The following CDH7 variants were observed in gnomAD, a reference collection of about 807,000 sequenced individuals.
The protein encoded by CDH7 is cadherin 7.
In CDH7, 25 loss-of-function variants were observed where a neutral mutation model predicts 71.8. The ratio of observed to expected loss-of-function variants is 0.35; its 90% confidence interval spans 0.25 to 0.49. The LOEUF (loss-of-function observed/expected upper bound fraction) is 0.49. Among genes scored for constraint, CDH7 ranks in the 20% least tolerant of loss-of-function variants. The pLI is 0.99. For synonymous variants in CDH7, 381 were observed against 363.8 expected (o/e 1.05, Z -0.54); for missense variants, 862 against 974.6 (o/e 0.88, Z 1.54).
rs1238568484 is a variant in CDH7 at position 65,880,872 on chromosome 18, G to A, written c.2336G>A (p.Gly779Asp). 3.7e-6 allele frequency: 6 copies of A among 1,611,748 alleles called. No individual in the cohort carries two copies. Among genetic ancestry groups the A allele is most frequent in the Non-Finnish European group, 5.1e-6 (6 of 1,178,908 alleles). The change falls in exon 12 of 12, where the codon GGC becomes GAC. Residue 779 changes from glycine (G) to aspartate (D), a missense_variant. Physicochemically the swap from Gly to Asp is moderately conservative, Grantham distance 94. Transcript: ENST00000397968. ...CGACTCGCGGACATGTATGGGACTG[G>A]CCAAGAGAGTTTGTACTCATAGCCT... is the stretch of plus-strand genomic sequence containing the variant. ...FKRLADMYGT[G>D]QESLYS
At chr18:65,772,186 C>A (rs1336515087) in intron 2 of CDH7, among the ~76,000 whole-genome samples, 1 of 152,050 alleles carries the variant, frequency 6.6e-6, no homozygotes, top group African/African-American at 2.4e-5. Flanking sequence ...TGATGATCAC[C>A]AGTGAAATTA....
At chr18:65,873,083 T>TA (rs1430169888) in intron 11 of CDH7, among the ~76,000 whole-genome samples, 1 of 152,114 alleles carries the variant, frequency 6.6e-6, no homozygotes, top group African/African-American at 2.4e-5. Flanking sequence ...GGTGAAGAAT[T>TA]AAAAAATAGG....
intron 11 of CDH7, among the ~76,000 whole-genome samples, chr18:65,880,128 T>C (rs1019191384): frequency 6.6e-6 from 1 of 152,186 alleles, no homozygotes; most frequent in Admixed American, 6.5e-5. Flanking sequence ...ATTTCTTCTA[T>C]CAAATACATT....
intron 11 of CDH7, among the ~76,000 whole-genome samples, chr18:65,867,199 C>T (rs1344015369): frequency 6.6e-6 from 1 of 152,004 alleles, no homozygotes; most frequent in South Asian, 2.1e-4. Context: ...CCACGCCCGG[C>T]TAATTGTTTG....
intron 2 of CDH7, among the ~76,000 whole-genome samples, chr18:65,789,031 A>G (rs887363183): frequency 2.0e-5 from 3 of 152,232 alleles, no homozygotes; most frequent in Admixed American, 6.5e-5. Flanking sequence ...TAGTTTATGT[A>G]GTTTGTACAC....
intron 11 of CDH7, among the ~76,000 whole-genome samples, chr18:65,871,291 A>G (rs972972509): frequency 6.6e-6 from 1 of 152,198 alleles, no homozygotes; most frequent in Admixed American, 6.5e-5. Flanking sequence ...CCCTTTACAA[A>G]TAGACACTCA....
At chr18:65,821,878 C>T (rs757023475) in intron 4 of CDH7, among the ~76,000 whole-genome samples, 7 of 152,038 alleles carry the variant, frequency 4.6e-5, no homozygotes, top group Non-Finnish European at 8.8e-5. Flanking sequence ...GAGAAAACCA[C>T]GTTAATAATG....
At chr18:65,822,873 GA>G (rs912971600) in intron 5 of CDH7, among the ~76,000 whole-genome samples, 17 of 147,418 alleles carry the variant, frequency 1.2e-4, no homozygotes, top group South Asian at 1.1e-3. Flanking sequence ...CAAGAAAAAA[GA>G]AAAAAAAAAT....
chr18:65,814,637 C>T lies in CDH7; in HGVS notation c.625+33C>T, dbSNP rs146102762. 977 of 1,579,564 alleles carry T rather than the reference C, an allele frequency of 6.2e-4. 7 individuals are homozygous for T. In the African/African-American group the frequency reaches 0.012, roughly 19 times the overall value. On this transcript the variant is annotated intron_variant, in intron 4 of 11. Coordinates refer to ENST00000397968, the MANE Select transcript of CDH7 (RefSeq NM_004361.5). ...TTGAAATGTGACATTCTTGTAAAGT[C>T]ATCATTTGTTTGCTGCTTAGAATTA... is the stretch of plus-strand genomic sequence containing the variant.
Position 65,818,916 on chromosome 18 carries a change from A to G in CDH7, c.626-3165A>G, listed in dbSNP as rs188699445. 7.9e-5 allele frequency among the ~76,000 whole-genome samples: 12 copies of G among 152,278 alleles called. No homozygotes were observed. The South Asian group carries it at 1.9e-3, about 24-fold the overall frequency. ...TGGCTGCTCCATTTTGGTGATGGCC[A>G]TACCAAATGGCTTTAGTTCATTCAT... On this transcript the variant is annotated intron_variant, in intron 4 of 11. Transcript: ENST00000397968.
chr18:65,827,625 A>G (rs1437500529), intron 6 of CDH7, among the ~76,000 whole-genome samples: 1 of 151,954 alleles, frequency 6.6e-6, no homozygotes. Flanking sequence ...TATTACTCTT[A>G]AAGGGGATTG....
chr18:65,810,983 T>C (rs986832855), intron 3 of CDH7, among the ~76,000 whole-genome samples: 1 of 152,194 alleles, frequency 6.6e-6, no homozygotes, highest in African/African-American at 2.4e-5. Flanking sequence ...ATTTCATTTA[T>C]TCAAGTACTT....
At chr18:65,855,775 A>G (rs1177646887) in intron 7 of CDH7, among the ~76,000 whole-genome samples, 1 of 152,164 alleles carries the variant, frequency 6.6e-6, no homozygotes, top group African/African-American at 2.4e-5. Flanking sequence ...TACCAAAACC[A>G]GGTAGACACA....
intron 6 of CDH7, among the ~76,000 whole-genome samples, chr18:65,830,383 C>G (rs1002305842): frequency 6.6e-6 from 1 of 152,172 alleles, no homozygotes; most frequent in South Asian, 2.1e-4. Flanking sequence ...CTCTTGAACA[C>G]TTATTCATGG....
intron 2 of CDH7, among the ~76,000 whole-genome samples, chr18:65,798,051 G>T (rs928949376): frequency 9.2e-5 from 14 of 152,112 alleles, no homozygotes; most frequent in African/African-American, 2.9e-4. Flanking sequence ...CTCAACCCTT[G>T]GCATAGAGAA....
chr18:65,882,591 C>T lies in CDH7; in HGVS notation c.*1697C>T, dbSNP rs1050478627. The stretch of plus-strand genomic sequence containing the variant: ...AAATGAAGTATGTAAAAGTGGCCTT[C>T]AACTTCATAAGTATAAATAATCCAA... On this transcript the variant is annotated 3_prime_UTR_variant, in exon 12 of 12. Coordinates refer to ENST00000397968, the MANE Select transcript of CDH7 (RefSeq NM_004361.5). The T allele has an allele frequency of 2.0e-5, 3 of 152,064 alleles. No homozygotes were observed. Among genetic ancestry groups the T allele is most frequent in the Admixed American group, 1.3e-4 (2 of 15,264 alleles). The allele number at this position is 152,064 out of a possible 1,614,324, so 9.4% of individuals were successfully genotyped here. A position where few individuals can be genotyped will look rare whatever the true frequency, so the allele number is the denominator to read the frequency against.
At chr18:65,848,819 A>G (rs1038410919) in intron 7 of CDH7, among the ~76,000 whole-genome samples, 2 of 128,132 alleles carry the variant, frequency 1.6e-5, no homozygotes, top group African/African-American at 2.6e-5. Context: ...ATGTTAAAGG[A>G]TACTTGGATA....
intron 1 of CDH7, among the ~76,000 whole-genome samples, chr18:65,761,543 A>G (rs562884653): frequency 2.6e-4 from 40 of 151,890 alleles, no homozygotes; most frequent in African/African-American, 9.4e-4. Context: ...CTCAAAAAAA[A>G]AAAAAAAACA....
intron 2 of CDH7, among the ~76,000 whole-genome samples, chr18:65,790,817 C>T (rs372042777): frequency 6.6e-6 from 1 of 152,098 alleles, no homozygotes; most frequent in East Asian, 1.9e-4. Flanking sequence ...TGCAGTAAGC[C>T]GAGATTGCAT....
Sources: gnomAD v4.1 joint callset for allele counts (sites outside exome capture counted in the v4.1 genomes callset) on GRCh38, gnomAD v4.1.1 for gene constraint, MANE v1.5 for transcripts, NCBI Gene and HGNC (gene_info 2026-07-23, HGNC 2026-07-21) for gene names.